Variants in GRID2 observed in about 807,000 individuals in gnomAD.
GRID2 encodes the protein glutamate ionotropic receptor delta type subunit 2, also known as glutamate receptor ionotropic, delta-2.
In GRID2, 33 loss-of-function variants were observed where a neutral mutation model predicts 114.8. The ratio of observed to expected loss-of-function variants is 0.29; its 90% CI spans 0.22 to 0.38. The LOEUF (loss-of-function observed/expected upper bound fraction) is 0.38. Among genes scored for constraint, GRID2 ranks in the 10% least tolerant of loss-of-function variants. The pLI is 1.00. For synonymous variants in GRID2, 505 were observed against 449.9 expected (o/e 1.12, Z -1.55); for missense variants, 1,184 against 1,257.7 (o/e 0.94, Z 0.89).
At chr4:92,726,422 T>A (rs1302096649) in intron 2 of GRID2, among the ~76,000 whole-genome samples, 1 of 152,128 alleles carries the variant, frequency 6.6e-6, no homozygotes, top group Admixed American at 6.6e-5. Context: ...ATATATATAG[T>A]CTTTTGTTAA....
At chr4:93,728,027 G>C (rs527996166) in intron 14 of GRID2, among the ~76,000 whole-genome samples, 2 of 152,084 alleles carry the variant, frequency 1.3e-5, no homozygotes, top group Non-Finnish European at 2.9e-5. Flanking sequence ...CCTTCTGCTA[G>C]CTTTTGAATG....
intron 2 of GRID2, among the ~76,000 whole-genome samples, chr4:92,721,133 T>C (rs1469400185): frequency 6.6e-6 from 1 of 152,020 alleles, no homozygotes; most frequent in African/African-American, 2.4e-5. Flanking sequence ...GGTAAAATGG[T>C]AGTTGCCAAG....
In GRID2 at chr4:93,626,511, G is replaced by A. The variant is rs925724914; in HGVS notation, c.2360+76G>A. 14 of 928,896 alleles carry A rather than the reference G, an allele frequency of 1.5e-5. No individual in the cohort carries two copies. In the African/African-American group the frequency reaches 2.3e-4, roughly 16 times the overall value. The allele number at this position is 928,896 out of a possible 1,614,324, so 57.5% of individuals were successfully genotyped here. A position where few individuals can be genotyped will look rare whatever the true frequency, so the allele number is the denominator to read the frequency against. On this transcript the variant is annotated intron_variant, in intron 14 of 15. Coordinates refer to ENST00000282020, the MANE Select transcript of GRID2 (RefSeq NM_001510.4). ...AATATCCATTTGGTTACCAGATCTG[G>A]TTTATTACATTTTGTTTCCTTTGTT...
intron 14 of GRID2, among the ~76,000 whole-genome samples, chr4:93,732,502 C>T (rs1449110276): frequency 6.6e-6 from 1 of 152,164 alleles, no homozygotes; most frequent in Non-Finnish European, 1.5e-5. Flanking sequence ...TTTTCTGCCT[C>T]TGCTGTTTAC....
chr4:92,839,715 G>A (rs535985893), intron 2 of GRID2, among the ~76,000 whole-genome samples: 12 of 151,650 alleles, frequency 7.9e-5, no homozygotes, highest in African/African-American at 1.7e-4. Flanking sequence ...ATTTTTGACC[G>A]TCTTGAGACT....
intron 8 of GRID2, among the ~76,000 whole-genome samples, chr4:93,348,772 G>A (rs534171543): frequency 1.1e-4 from 17 of 152,224 alleles, no homozygotes; most frequent in South Asian, 2.1e-4. Context: ...CCAACTACAC[G>A]TAGAGGGAAA....
intron 1 of GRID2, among the ~76,000 whole-genome samples, chr4:92,522,967 T>C (rs550620139): frequency 3.9e-5 from 6 of 152,008 alleles, no homozygotes; most frequent in Non-Finnish European, 8.8e-5. Context: ...TAGCCAATTG[T>C]ATGCTGTAGT....
chr4:92,982,624 AAT>A (rs1486224239), intron 2 of GRID2, among the ~76,000 whole-genome samples: 3 of 152,038 alleles, frequency 2.0e-5, no homozygotes, highest in African/African-American at 7.2e-5. Flanking sequence ...GGATTTTTGC[AAT>A]AGTCTTCTGC....
At chr4:93,169,017 A>G (rs1325581445) in intron 4 of GRID2, among the ~76,000 whole-genome samples, 1 of 152,068 alleles carries the variant, frequency 6.6e-6, no homozygotes, top group Non-Finnish European at 1.5e-5. Flanking sequence ...CCCTCAGATG[A>G]CTAGGGGATC....
chr4:93,048,608 G>A (rs1726393682), intron 2 of GRID2, among the ~76,000 whole-genome samples: 1 of 152,022 alleles, frequency 6.6e-6, no homozygotes, highest in Non-Finnish European at 1.5e-5. Flanking sequence ...TTATTTGTGT[G>A]AAAGTAAAGC....
chr4:92,913,769 G>A (rs557006461), intron 2 of GRID2, among the ~76,000 whole-genome samples: 2 of 151,692 alleles, frequency 1.3e-5, no homozygotes, highest in South Asian at 2.1e-4. Flanking sequence ...AGTATAAAAC[G>A]AAGAAACGTT....
rs1406984602 is a variant in GRID2, at chr4:92,747,217, T to C, written c.244+156931T>C. Among the ~76,000 whole-genome samples the C allele has an allele frequency of 1.3e-5, 2 of 152,044 alleles. 1 individual carries two copies. The highest frequency in any genetic ancestry group is 6.3e-3 in the Middle Eastern group (2 of 316). On this transcript the variant is annotated intron_variant, in intron 2 of 15. Coordinates refer to ENST00000282020, the MANE Select transcript of GRID2 (RefSeq NM_001510.4). ...ATAAGACAGGTTACTTTTATTGTAA[T>C]TATTTATAAAAAAAGATATATAAAT...
intron 13 of GRID2, among the ~76,000 whole-genome samples, chr4:93,618,273 C>A (rs1361661070): frequency 6.6e-6 from 1 of 152,200 alleles, no homozygotes; most frequent in Non-Finnish European, 1.5e-5. Flanking sequence ...GAATTGTAAT[C>A]TTCCACACTG....
intron 9 of GRID2, among the ~76,000 whole-genome samples, chr4:93,414,687 A>T (rs200124057): frequency 7.4e-5 from 3 of 40,668 alleles, no homozygotes; most frequent in Non-Finnish European, 1.9e-4. Flanking sequence ...CTGACATTTT[A>T]TATATATATA....
At chr4:93,512,623 A>G (rs1026977067) in intron 12 of GRID2, among the ~76,000 whole-genome samples, 3 of 152,196 alleles carry the variant, frequency 2.0e-5, no homozygotes, top group Admixed American at 6.5e-5. Flanking sequence ...ATCAGAAACT[A>G]CTAGAGGGAA....
chr4:92,418,912 T>C (rs1278373256), intron 1 of GRID2, among the ~76,000 whole-genome samples: 1 of 152,060 alleles, frequency 6.6e-6, no homozygotes, highest in Non-Finnish European at 1.5e-5. Context: ...TGCTCTCCAG[T>C]GAAGATGGAA....
intron 2 of GRID2, among the ~76,000 whole-genome samples, chr4:93,049,985 T>C (rs1726537505): frequency 6.6e-6 from 1 of 152,086 alleles, no homozygotes; most frequent in Non-Finnish European, 1.5e-5. Context: ...AAGTGACATT[T>C]TATATTAAAG....
intron 2 of GRID2, among the ~76,000 whole-genome samples, chr4:93,046,495 A>G (rs1367688009): frequency 2.6e-5 from 4 of 152,128 alleles, no homozygotes; most frequent in Non-Finnish European, 5.9e-5. Flanking sequence ...TTGTATGTAT[A>G]TAAAAAGTTT....
intron 11 of GRID2, among the ~76,000 whole-genome samples, chr4:93,459,036 C>T (rs1364641183): frequency 1.3e-5 from 2 of 151,766 alleles, no homozygotes; most frequent in African/African-American, 4.8e-5. Flanking sequence ...AAAAAAATGC[C>T]AGGCATGGTG....
Sources: allele counts gnomAD v4.1 joint callset (sites outside exome capture counted in the v4.1 genomes callset), GRCh38; gene constraint gnomAD v4.1.1; transcripts MANE v1.5; gene names NCBI Gene and HGNC (gene_info 2026-07-23, HGNC 2026-07-21).